Variants in MCC observed in about 807,000 individuals in gnomAD.
The protein encoded by MCC is colorectal mutant cancer protein.
Under a neutral mutation model 116.2 loss-of-function variants are expected in MCC, and 90 were observed. That is an observed-to-expected ratio of 0.77 (90% CI 0.65 to 0.92). MCC has a LOEUF of 0.92. Among genes scored for constraint, MCC ranks in the 40% least tolerant of loss-of-function variants. The pLI, the probability that MCC is intolerant of heterozygous loss-of-function variation, is 0.00. For missense variants in MCC, 1,516 were observed against 1,312.2 expected, an observed-to-expected ratio of 1.16 and a Z score of -2.40; for synonymous variants, 578 against 510.5, an observed-to-expected ratio of 1.13 and a Z score of -1.78.
At chr5:113,297,166 T>C (rs957214643) in intron 3 of MCC, among the ~76,000 whole-genome samples, 1 of 152,186 alleles carries the variant, frequency 6.6e-6, no homozygotes, top group African/African-American at 2.4e-5. Flanking sequence ...AACATGCCGA[T>C]TGTACTATCA....
At chr5:113,117,834 T>C (rs972461713) in intron 6 of MCC, among the ~76,000 whole-genome samples, 13 of 152,214 alleles carry the variant, frequency 8.5e-5, no homozygotes, top group Admixed American at 2.0e-4. Context: ...TCTATTTTAA[T>C]ATGAAGGGCC....
At chr5:113,308,780 G>A (rs995994349) in intron 3 of MCC, among the ~76,000 whole-genome samples, 6 of 151,498 alleles carry the variant, frequency 4.0e-5, no homozygotes, top group African/African-American at 1.2e-4. Flanking sequence ...TCCAGCCTGG[G>A]AGACAGAGCA....
In MCC at chr5:113,025,165, C is replaced by G. The variant is rs1750447322; in HGVS notation, c.*2137G>C. The stretch of plus-strand genomic sequence containing the variant: ...TGCCCATTTGATGCCTGCTTAATCA[C>G]AAAAAAGAGCCATGCACATCCCACT... On this transcript the variant is annotated 3_prime_UTR_variant, in exon 19 of 19. Transcript: ENST00000408903. 1 of 151,142 alleles carries G rather than the reference C, an allele frequency of 6.6e-6. No homozygotes were observed. The highest frequency in any genetic ancestry group is 2.4e-5 in the African/African-American group (1 of 41,184). The allele number at this position is 151,142 out of a possible 1,614,324, so 9.4% of individuals were successfully genotyped here.
intron 1 of MCC, among the ~76,000 whole-genome samples, chr5:113,457,054 A>G (rs1458399196): frequency 6.6e-6 from 1 of 152,108 alleles, no homozygotes; most frequent in African/African-American, 2.4e-5. Context: ...GCACTTGAGG[A>G]GCCCTTCAGC....
Position 113,071,117 on chromosome 5 carries a change from C to A in MCC, c.1902G>T (p.Ala634=), listed in dbSNP as rs35555142. ...LVGKYESNAT[A]LRLALQYSEQ... ...ACCTGTACTGCAAGGCCAGCCTCAG[C>A]GCTGTGGCATTGGATTCGTATTTTC... Residue 634 remains alanine, a synonymous_variant, in exon 12 of 19, where the codon GCG becomes GCT. Transcript: ENST00000408903. 6.2e-7 allele frequency: 1 copy of A among 1,611,090 alleles called. No individual in the cohort carries two copies. The highest frequency in any genetic ancestry group is 8.5e-7 in the Non-Finnish European group (1 of 1,179,086).
chr5:113,265,431 T>C (rs1044121027), intron 3 of MCC, among the ~76,000 whole-genome samples: 1 of 152,156 alleles, frequency 6.6e-6, no homozygotes, highest in Non-Finnish European at 1.5e-5. Flanking sequence ...AGCAGCTTTC[T>C]CTATGGGGCC....
intron 1 of MCC, among the ~76,000 whole-genome samples, chr5:113,481,906 A>G (rs1030590176): frequency 2.0e-5 from 3 of 152,168 alleles, no homozygotes; most frequent in African/African-American, 7.2e-5. Context: ...AAGAAATCCT[A>G]TACTCTTTAG....
intron 1 of MCC, among the ~76,000 whole-genome samples, chr5:113,402,021 G>A (rs975297105): frequency 6.6e-5 from 10 of 151,674 alleles, no homozygotes; most frequent in Admixed American, 1.3e-4. Context: ...AGGGCCGGGC[G>A]CGGTGGCTCA....
At chr5:113,189,659 A>G (rs75222804) in intron 3 of MCC, among the ~76,000 whole-genome samples, 8,482 of 152,300 alleles carry the variant, frequency 0.056, 276 homozygotes, top group African/African-American at 0.07. Flanking sequence ...GATCAAAATA[A>G]AAACAGAAGT....
chr5:113,027,042 C>G lies in MCC; in HGVS notation c.*260G>C. ...GAGTGCTGAAAGCAGAAACGAGGCTCTGCTGAGCAGGCACAGAACATGTGT... is the reference window on the plus strand; with the variant it reads ...GAGTGCTGAAAGCAGAAACGAGGCTGTGCTGAGCAGGCACAGAACATGTGT... On this transcript the variant is annotated 3_prime_UTR_variant, in exon 19 of 19. Coordinates refer to ENST00000408903, the MANE Select transcript of MCC (RefSeq NM_001085377.2). 1 of 426,870 alleles carries G rather than the reference C, an allele frequency of 2.3e-6. No homozygotes were observed. Among genetic ancestry groups the G allele is most frequent in the Non-Finnish European group, 4.1e-6 (1 of 242,226 alleles). The allele number at this position is 426,870 out of a possible 1,614,324, so 26.4% of individuals were successfully genotyped here. A position where few individuals can be genotyped will look rare whatever the true frequency, so the allele number is the denominator to read the frequency against.
chr5:113,043,738 G>GC, intron 16 of MCC, 108 bp from the exon 17 acceptor site: 2 of 702,844 alleles, frequency 2.8e-6, no homozygotes. Flanking sequence ...GCAGCAGTGT[G>GC]GGCACCGGGT....
At chr5:113,191,737 T>C (rs148312728) in intron 3 of MCC, among the ~76,000 whole-genome samples, 3 of 152,308 alleles carry the variant, frequency 2.0e-5, no homozygotes, top group Non-Finnish European at 4.4e-5. Flanking sequence ...ACAGTTAAAA[T>C]GACGCAATTG....
At chr5:113,266,882 A>G (rs563970719) in intron 3 of MCC, among the ~76,000 whole-genome samples, 15 of 152,316 alleles carry the variant, frequency 9.8e-5, no homozygotes, top group Admixed American at 9.8e-4. Context: ...AATGGGTCAT[A>G]AAATCAGGGA....
intron 1 of MCC, among the ~76,000 whole-genome samples, chr5:113,461,178 T>C (rs1423699154): frequency 6.6e-6 from 1 of 152,162 alleles, no homozygotes; most frequent in Non-Finnish European, 1.5e-5. Context: ...GGAGGACTGC[T>C]TGAGCTCAAG....
At position 113,340,599 on chromosome 5, in the gene MCC, C is replaced by G. The variant is rs75148264; in HGVS notation, c.547G>C (p.Ala183Pro). ...EYGGSSLHQQ[A>P]ALHKLLTQSP... ...TGTGTGAGCAGTTTGTGGAGAGCAGCCTGCTGATGCAAAGAGCTTCCGCCA... is the reference window on the plus strand; with the variant it reads ...TGTGTGAGCAGTTTGTGGAGAGCAGGCTGCTGATGCAAAGAGCTTCCGCCA... The change falls in exon 3 of 19, where the codon GCT becomes CCT. Residue 183 changes from alanine to proline, a missense_variant. Ala to Pro is a conservative substitution (Grantham distance 27). Transcript: ENST00000408903. 1 of 1,614,144 alleles carries G rather than the reference C, an allele frequency of 6.2e-7. No individual in the cohort carries two copies.
At chr5:113,054,358 G>A (rs957552184) in intron 14 of MCC, among the ~76,000 whole-genome samples, 4 of 152,198 alleles carry the variant, frequency 2.6e-5, no homozygotes, top group African/African-American at 4.8e-5. Context: ...TATCGACAAT[G>A]GTGGTGATAT....
intron 3 of MCC, among the ~76,000 whole-genome samples, chr5:113,167,549 CTG>C (rs1355726011): frequency 1.3e-5 from 2 of 152,172 alleles, no homozygotes; most frequent in African/African-American, 4.8e-5. Flanking sequence ...CTTCAACAGA[CTG>C]AAACTCTCTA....
At chr5:113,390,982 T>C (rs1769386493) in intron 1 of MCC, among the ~76,000 whole-genome samples, 1 of 148,880 alleles carries the variant, frequency 6.7e-6, no homozygotes, top group Non-Finnish European at 1.5e-5. Context: ...AGTATGAAAA[T>C]TATAATTAGG....
At chr5:113,193,387 CAG>C (rs1193912625) in intron 3 of MCC, among the ~76,000 whole-genome samples, 1 of 152,112 alleles carries the variant, frequency 6.6e-6, no homozygotes, top group Non-Finnish European at 1.5e-5. Flanking sequence ...TTCAACCCAA[CAG>C]ATGTTCTTAT....
Sources: allele counts gnomAD v4.1 joint callset (sites outside exome capture counted in the v4.1 genomes callset), GRCh38; gene constraint gnomAD v4.1.1; transcripts MANE v1.5; gene names NCBI Gene and HGNC (gene_info 2026-07-23, HGNC 2026-07-21).